The following ANO1 variants were observed in gnomAD, a reference collection of about 807,000 sequenced individuals.
The protein encoded by ANO1 is anoctamin 1, also known as anoctamin-1.
A neutral mutation model predicts 124.0 loss-of-function variants in ANO1; 59 were observed. The observed-to-expected ratio is 0.48, with a 90% CI of 0.39 to 0.59. The LOEUF (loss-of-function observed/expected upper bound fraction) is 0.59. Ranked by LOEUF, ANO1 falls within the 20% of genes least tolerant of loss-of-function variation. ANO1 has a pLI of 0.00. For missense variants in ANO1, 1,059 were observed against 1,328.0 expected (o/e 0.80, Z 3.15); for synonymous variants, 529 against 532.0 (o/e 0.99, Z 0.08).
intron 2 of ANO1, among the ~76,000 whole-genome samples, chr11:70,100,650 G>A (rs955599401): frequency 5.3e-5 from 8 of 152,322 alleles, no homozygotes; most frequent in East Asian, 3.9e-4. Flanking sequence ...GGAGGATCCC[G>A]CAATGGCCAG....
intron 1 of ANO1, among the ~76,000 whole-genome samples, chr11:70,022,047 C>A (rs1856820644): frequency 6.6e-6 from 1 of 152,160 alleles, no homozygotes; most frequent in African/African-American, 2.4e-5. Context: ...TGGGCCCCTT[C>A]CCTCCTTGCT....
At chr11:70,117,644 C>T (rs1246682930) in intron 8 of ANO1, among the ~76,000 whole-genome samples, 1 of 152,186 alleles carries the variant, frequency 6.6e-6, no homozygotes, top group Admixed American at 6.5e-5. Context: ...AGCTTTCCCT[C>T]TCGGGAAGCA....
chr11:70,123,650 C>G (rs1288452969), intron 8 of ANO1, among the ~76,000 whole-genome samples: 1 of 152,220 alleles, frequency 6.6e-6, no homozygotes, highest in African/African-American at 2.4e-5. Flanking sequence ...CTGGGCCCCT[C>G]AAGGTACCTG....
chr11:70,187,980 T>C lies in ANO1; in HGVS notation c.2937T>C (p.His979=). The change falls in exon 26 of 26, where the codon CAT becomes CAC. Residue 979 remains histidine (H), a synonymous_variant. Transcript: ENST00000355303. ...PDSLGSPAPS[H]AYHGGVL is the part of the protein sequence containing the mutation. ...GCCTCGGCAGCCCAGCCCCCAGCCA[T>C]GCCTACCACGGGGGCGTCCTGTAGC... The C allele has an allele frequency of 6.4e-7, 1 of 1,569,484 alleles. No individual in the cohort carries two copies. The highest frequency in any genetic ancestry group is 8.6e-7 in the Non-Finnish European group (1 of 1,157,912).
intron 1 of ANO1, chr11:70,065,482 C>G (rs1857694205): frequency 6.5e-6 from 1 of 152,792 alleles, no homozygotes; most frequent in Non-Finnish European, 1.5e-5. Flanking sequence ...GGCCACCTTT[C>G]CAGCCCCTCC....
intron 16 of ANO1, among the ~76,000 whole-genome samples, chr11:70,158,159 C>T (rs2047896191): frequency 6.6e-6 from 1 of 152,196 alleles, no homozygotes; most frequent in South Asian, 2.1e-4. Context: ...TCAGGGACCA[C>T]AAGTCTGTGA....
chr11:69,988,865 C>T (rs1490715914), intron 1 of ANO1, among the ~76,000 whole-genome samples: 2 of 151,930 alleles, frequency 1.3e-5, no homozygotes, highest in African/African-American at 4.8e-5. Context: ...AACCCACATG[C>T]CTCTCTGCAC....
At chr11:70,076,547 A>C (rs1407007171), upstream of ANO1, among the ~76,000 whole-genome samples, 6 of 152,192 alleles carry the variant, frequency 3.9e-5, no homozygotes, top group African/African-American at 1.4e-4. Context: ...GTTGTTTACC[A>C]ACAAAGATAA....
chr11:70,067,321 G>C (rs1376196475), intron 1 of ANO1, among the ~76,000 whole-genome samples: 32 of 83,490 alleles, frequency 3.8e-4, no homozygotes, highest in African/African-American at 1.5e-3. Context: ...GGAATCGTGG[G>C]TGTTTTTTTT....
At chr11:69,997,995 T>C (rs1396768095) in intron 1 of ANO1, among the ~76,000 whole-genome samples, 1 of 152,134 alleles carries the variant, frequency 6.6e-6, no homozygotes, top group African/African-American at 2.4e-5. Context: ...AGTGCGAGAA[T>C]GGCCTAATAC....
rs762184982 is a variant in ANO1 at position 70,111,747 on chromosome 11, A to G, written c.840A>G (p.Ala280=). ...SLLANGVYAA[A]YPLHDGDYNG... ...TGGCCAATGGTGTGTACGCGGCTGC[A>G]TACCCACTGCACGATGTAAGTAACC... The change falls in exon 7 of 26, where the codon GCA becomes GCG. Residue 280 remains alanine, a synonymous_variant. Coordinates refer to ENST00000355303, the MANE Select transcript of ANO1 (RefSeq NM_018043.7). 1 of 1,614,022 alleles carries G rather than the reference A, an allele frequency of 6.2e-7. No homozygotes were observed. Among genetic ancestry groups the G allele is most frequent in the South Asian group, 1.1e-5 (1 of 91,080 alleles).
chr11:70,096,209 C>T (rs527382685), intron 2 of ANO1, among the ~76,000 whole-genome samples: 2 of 152,160 alleles, frequency 1.3e-5, no homozygotes, highest in African/African-American at 2.4e-5. Context: ...AGGTTTGCAG[C>T]GTTATAGATG....
intron 1 of ANO1, among the ~76,000 whole-genome samples, chr11:70,008,661 G>A (rs563535002): frequency 7.8e-5 from 11 of 141,370 alleles, no homozygotes; most frequent in African/African-American, 2.9e-4. Flanking sequence ...TTTTTTTAAG[G>A]CGTGATATTT....
rs868988276 is a variant in ANO1, at chr11:69,995,286, A to G, written c.58+9120A>G. 1.1e-4 allele frequency among the ~76,000 whole-genome samples: 17 copies of G among 151,936 alleles called. 1 individual carries two copies. Among genetic ancestry groups the G allele is most frequent in the Admixed American group, 1.3e-4 (2 of 15,264 alleles). On this transcript the variant is annotated intron_variant, in intron 1 of 27. Transcript: ENST00000531349. ...AGCTAATTTTGTATTTTTAGTAGAG[A>G]TGGGCTTTCACCATGTTGGCCAGGC...
intron 1 of ANO1, among the ~76,000 whole-genome samples, chr11:70,003,857 G>A (rs973893659): frequency 1.3e-5 from 2 of 152,118 alleles, no homozygotes; most frequent in African/African-American, 2.4e-5. Flanking sequence ...ATGGCTACCT[G>A]TGGACACCCC....
At position 70,187,945 on chromosome 11, in the gene ANO1, T is replaced by G. The variant is rs1417059258; in HGVS notation, c.2902T>G (p.Cys968Gly). 1 of 1,579,836 alleles carries G rather than the reference T, an allele frequency of 6.3e-7. No homozygotes were observed. Among genetic ancestry groups the G allele is most frequent in the African/African-American group, 1.3e-5 (1 of 74,170 alleles). The stretch of plus-strand genomic sequence containing the variant: ...GTGCAACCACCACAACACCAAAGCC[T>G]GCCCAGACAGCCTCGGCAGCCCAGC... ...PPCNHHNTKA[C>G]PDSLGSPAPS... The change falls in exon 26 of 26, where the codon TGC (cysteine) becomes GGC (glycine). Residue 968 changes from cysteine to glycine, a missense_variant. By Grantham distance (159) the Cys-to-Gly change is radical. Around this residue, in one of 2 missense-constraint regions of ANO1, gnomAD observed 809 missense variants for 1,094.9 expected, o/e 0.74. Coordinates refer to ENST00000355303, the MANE Select transcript of ANO1 (RefSeq NM_018043.7).
intron 2 of ANO1, among the ~76,000 whole-genome samples, chr11:70,094,244 G>A (rs780035751): frequency 2.6e-5 from 4 of 152,176 alleles, no homozygotes; most frequent in Non-Finnish European, 5.9e-5. Flanking sequence ...GCCCCTGCCC[G>A]CCGCCAGGTG....
intron 24 of ANO1, among the ~76,000 whole-genome samples, chr11:70,183,162 C>T (rs952912158): frequency 6.6e-6 from 1 of 152,160 alleles, no homozygotes; most frequent in Non-Finnish European, 1.5e-5. Flanking sequence ...TTTACCAGTT[C>T]CTGTAACTAA....
chr11:70,128,441 T>C (rs542500835), intron 10 of ANO1, among the ~76,000 whole-genome samples: 1 of 152,312 alleles, frequency 6.6e-6, no homozygotes, highest in Non-Finnish European at 1.5e-5. Context: ...ACCTCCATCT[T>C]CCTTCCTTCC....
Sources: allele counts gnomAD v4.1 joint callset (sites outside exome capture counted in the v4.1 genomes callset), GRCh38; gene constraint gnomAD v4.1.1; regional missense constraint gnomAD v4.1.1; transcripts MANE v1.5; gene names NCBI Gene and HGNC (gene_info 2026-07-23, HGNC 2026-07-21).